TMPRSS9: variants seen among roughly 807,000 people sequenced by gnomAD.
TMPRSS9 encodes the protein transmembrane serine protease 9, also known as transmembrane protease serine 9.
A neutral mutation model predicts 111.4 loss-of-function variants in TMPRSS9; 113 were observed. The observed-to-expected ratio is 1.01, with a 90% confidence interval of 0.87 to 1.19. The LOEUF is 1.19. TMPRSS9 is among the 50% of genes most tolerant of loss of function. The probability of loss-of-function intolerance (pLI) is 0.00; values close to 1 mark genes in which losing one functional copy is unlikely to be tolerated. For synonymous variants in TMPRSS9, 805 were observed against 659.1 expected (o/e 1.22, Z -3.39); for missense variants, 1,803 against 1,513.1 (o/e 1.19, Z -3.18).
chr19:2,376,461 C>CTT (rs113897533), intron 1 of TMPRSS9, among the ~76,000 whole-genome samples: 8 of 149,788 alleles, frequency 5.3e-5, no homozygotes, highest in South Asian at 2.1e-4. Context: ...GATGTCATTT[C>CTT]TTTTTTTTTT....
At chr19:2,425,902 AC>A in intron 17 of TMPRSS9, 24 bp from the exon 19 acceptor site, 2 of 1,564,780 alleles carry the variant, frequency 1.3e-6, no homozygotes, top group Non-Finnish European at 1.7e-6. Flanking sequence ...CGGCCTCTGA[AC>A]CCCCTTTCTT....
At chr19:2,368,435 G>A (rs1970263572) in intron 1 of TMPRSS9, among the ~76,000 whole-genome samples, 1 of 152,182 alleles carries the variant, frequency 6.6e-6, no homozygotes, top group Non-Finnish European at 1.5e-5. Flanking sequence ...GGACCATGCT[G>A]TGCATGTTTG....
chr19:2,417,421 G>A (rs1458145872), intron 12 of TMPRSS9, among the ~76,000 whole-genome samples: 7 of 150,188 alleles, frequency 4.7e-5, no homozygotes, highest in African/African-American at 1.5e-4. Context: ...AGCTGAGATT[G>A]TGCCACTGCA....
At position 2,410,336 on chromosome 19, in the gene TMPRSS9, C is replaced by A. The variant is rs936561410; in HGVS notation, c.1196C>A (p.Ser399Ter). Residue 399 changes from serine to a stop codon, truncating the protein, a stop_gained, in exon 9 of 18, where the codon TCA (serine) becomes TAA (stop). Coordinates refer to ENST00000648592, the Ensembl canonical transcript of TMPRSS9. LOFTEE classifies it high-confidence loss of function. ...CTGTGTGCCAGCTTGTACGGCCATT[C>A]ACTCACTGACAGGATGGTGTGCGCT... 5.0e-6 allele frequency: 8 copies of A among 1,614,100 alleles called. No individual in the cohort carries two copies. The East Asian group carries it at 1.8e-4, about 36-fold the overall frequency.
At chr19:2,399,469 A>G (rs954226765) in intron 4 of TMPRSS9, among the ~76,000 whole-genome samples, 5 of 152,152 alleles carry the variant, frequency 3.3e-5, no homozygotes, top group African/African-American at 1.2e-4. Context: ...CTACCTACAC[A>G]GGAGGCTGAG....
At chr19:2,424,326 A>G in intron 15 of TMPRSS9, 69 bp downstream of exon 16, 1 of 1,275,232 alleles carries the variant, frequency 7.8e-7, no homozygotes, top group South Asian at 3.1e-5. Flanking sequence ...CTGTTGCCCG[A>G]AAACGCACCC....
At chr19:2,392,650 G>A (rs746610284) in intron 1 of TMPRSS9, among the ~76,000 whole-genome samples, 1 of 152,192 alleles carries the variant, frequency 6.6e-6, no homozygotes, top group Non-Finnish European at 1.5e-5. Context: ...ATATGCACCA[G>A]TGAACACTCT....
At chr19:2,407,592 T>TTTTTTC (rs1555679317) in intron 7 of TMPRSS9, among the ~76,000 whole-genome samples, 1 of 87,892 alleles carries the variant, frequency 1.1e-5, no homozygotes, top group East Asian at 4.1e-4. Flanking sequence ...CACCTGTGAT[T>TTTTTTC]TTTTTCTTTT....
chr19:2,409,269 G>A (rs943020876), intron 8 of TMPRSS9, among the ~76,000 whole-genome samples: 7 of 150,764 alleles, frequency 4.6e-5, no homozygotes, highest in Admixed American at 4.0e-4. Context: ...CCTCTGAGTA[G>A]CTGGGACTAT....
chr19:2,373,936 A>G (rs889297356), intron 1 of TMPRSS9, among the ~76,000 whole-genome samples: 1 of 152,208 alleles, frequency 6.6e-6, no homozygotes, highest in African/African-American at 2.4e-5. Flanking sequence ...CTGAAGCAAC[A>G]AATGCTTTTG....
At chr19:2,379,712 CCCTT>C (rs1970371236) in intron 1 of TMPRSS9, among the ~76,000 whole-genome samples, 1 of 143,152 alleles carries the variant, frequency 7.0e-6, no homozygotes, top group Non-Finnish European at 1.5e-5. Context: ...CTTCCTCTCT[CCCTT>C]CCTCTTTTTC....
chr19:2,398,005 T>TC (rs2145310367), intron 2 of TMPRSS9, among the ~76,000 whole-genome samples: 1 of 141,294 alleles, frequency 7.1e-6, no homozygotes, highest in South Asian at 2.5e-4. Context: ...CACCTCAGCC[T>TC]CCCGAGTAGC....
At chr19:2,393,958 T>C (rs1970654381) in intron 1 of TMPRSS9, among the ~76,000 whole-genome samples, 1 of 145,118 alleles carries the variant, frequency 6.9e-6, no homozygotes, top group Admixed American at 6.9e-5. Context: ...ATCCCAGCAC[T>C]CTGGGAGGCC....
rs1004062801 is a variant in TMPRSS9 at position 2,416,274 on chromosome 19, G to C, written c.1746-264G>C. 5.8e-5 allele frequency: 31 copies of C among 532,242 alleles called. No individual in the cohort carries two copies. The South Asian group carries it at 7.7e-4, about 13-fold the overall frequency. 33.0% of individuals were successfully genotyped at this position (532,242 alleles called of 1,614,324 possible). On this transcript the variant is annotated intron_variant, in intron 11 of 17. Transcript: ENST00000648592. ...GACTCATAAAGCTGTAGGGGGTTGG[G>C]GGGGGGCATTGGCACAGGTGTAGAA...
At chr19:2,410,393 A>G in exon 9 of TMPRSS9, 1 of 1,613,874 alleles carries the variant, frequency 6.2e-7, no homozygotes, top group Non-Finnish European at 8.5e-7. Flanking sequence ...GACTCCTGCC[A>G]GGTGAGCCCC....
At chr19:2,425,290 T>C in intron 16 of TMPRSS9, 23 bp downstream of exon 17, 1 of 1,225,872 alleles carries the variant, frequency 8.2e-7, no homozygotes, top group East Asian at 4.2e-5. Flanking sequence ...GGGGCCGCGG[T>C]GGTGCGGGGC....
Position 2,414,256 on chromosome 19 carries a change from T to C in TMPRSS9, c.1573+238T>C, listed in dbSNP as rs181805038. 956 of 434,000 alleles carry C rather than the reference T, an allele frequency of 2.2e-3. 5 individuals carry two copies. Among genetic ancestry groups the C allele is most frequent in the Admixed American group, 6.4e-3 (168 of 26,336 alleles). 26.9% of individuals were successfully genotyped at this position (434,000 alleles called of 1,614,324 possible). ...ATCAATGGGATACTTTTTTTTTTTT[T>C]TGAGACGCAGTCTTGCTCCGTCGCC... On this transcript the variant is annotated intron_variant, in intron 10 of 17. Coordinates refer to ENST00000648592, the Ensembl canonical transcript of TMPRSS9.
chr19:2,378,704 C>T (rs112966637), intron 1 of TMPRSS9, among the ~76,000 whole-genome samples: 15,689 of 152,100 alleles, frequency 0.1, 1,551 homozygotes, highest in African/African-American at 0.27. Context: ...GGGGACAGAG[C>T]GAGACTCCGT....
intron 11 of TMPRSS9, chr19:2,416,240 CA>C (rs1198872978): frequency 2.2e-6 from 1 of 461,608 alleles, no homozygotes; most frequent in Non-Finnish European, 3.8e-6. Context: ...CCTGTCTCAA[CA>C]AAAAAGAGAC....
Sources: gnomAD v4.1 joint callset for allele counts (sites outside exome capture counted in the v4.1 genomes callset) on GRCh38, gnomAD v4.1.1 for gene constraint, MANE v1.5 for transcripts, NCBI Gene and HGNC (gene_info 2026-07-23, HGNC 2026-07-21) for gene names.